MAPK10: variants seen among roughly 807,000 people sequenced by gnomAD.
MAPK10 encodes the protein mitogen-activated protein kinase 10.
MAPK10 carries 25 observed loss-of-function variants against 59.3 expected under a neutral mutation model. That is an observed-to-expected ratio of 0.42 (90% CI 0.31 to 0.59). The LOEUF is 0.59. Ranked by LOEUF, MAPK10 falls within the 20% of genes least tolerant of loss-of-function variation. The pLI is 0.15. For missense variants in MAPK10, 351 were observed against 568.9 expected (o/e 0.62, Z 3.90); for synonymous variants, 190 against 200.5 (o/e 0.95, Z 0.44).
chr4:86,337,947 A>G (rs1722530403), intron 2 of MAPK10, among the ~76,000 whole-genome samples: 1 of 152,082 alleles, frequency 6.6e-6, no homozygotes, highest in African/African-American at 2.4e-5. Context: ...CTATCCATCT[A>G]CTTTCCTTAA....
intron 11 of MAPK10, among the ~76,000 whole-genome samples, chr4:86,052,717 TAG>T (rs982526232): frequency 2.0e-5 from 3 of 152,106 alleles, no homozygotes; most frequent in African/African-American, 7.2e-5. Context: ...TTGTTTGAGA[TAG>T]AGTCTTCCTC....
intron 2 of MAPK10, among the ~76,000 whole-genome samples, chr4:86,255,108 A>G (rs2093649178): frequency 6.6e-6 from 1 of 152,136 alleles, no homozygotes; most frequent in Non-Finnish European, 1.5e-5. Flanking sequence ...GAAAAAAAAG[A>G]AGAGACTAAA....
At chr4:86,541,643 T>A (rs779111960) in intron 1 of MAPK10, among the ~76,000 whole-genome samples, 2 of 152,168 alleles carry the variant, frequency 1.3e-5, no homozygotes, top group African/African-American at 2.4e-5. Context: ...TCTGTACTCA[T>A]CCAAGATATG....
chr4:86,541,935 A>G (rs1758722381), intron 1 of MAPK10, among the ~76,000 whole-genome samples: 1 of 143,944 alleles, frequency 6.9e-6, no homozygotes, highest in Non-Finnish European at 1.5e-5. Flanking sequence ...GTAAATGCAC[A>G]TGAATACACC....
chr4:86,158,651 C>T (rs1298913579), intron 4 of MAPK10, among the ~76,000 whole-genome samples: 1 of 151,618 alleles, frequency 6.6e-6, no homozygotes, highest in Admixed American at 6.6e-5. Flanking sequence ...CAAATTAAAA[C>T]TGTGTAAAAG....
chr4:86,089,346 G>A, intron 9 of MAPK10: 1 of 1,049,498 alleles, frequency 9.5e-7, no homozygotes, highest in Non-Finnish European at 1.5e-6. Flanking sequence ...TGAAAACACT[G>A]GGCTACTCAT....
chr4:86,523,315 C>A (rs556990970), intron 1 of MAPK10, among the ~76,000 whole-genome samples: 3 of 152,278 alleles, frequency 2.0e-5, no homozygotes, highest in African/African-American at 7.2e-5. Context: ...ACATATCCTC[C>A]TACTATAAGT....
chr4:86,558,177 A>G (rs1760410577), intron 1 of MAPK10, among the ~76,000 whole-genome samples: 1 of 152,158 alleles, frequency 6.6e-6, no homozygotes, highest in African/African-American at 2.4e-5. Flanking sequence ...GCCCAGGCTG[A>G]AAAATTAAAT....
intron 2 of MAPK10, among the ~76,000 whole-genome samples, chr4:86,297,403 G>A (rs936946381): frequency 3.3e-5 from 5 of 151,994 alleles, no homozygotes; most frequent in Non-Finnish European, 7.4e-5. Context: ...CCTGCCTCCC[G>A]GATTCAAGCG....
rs543986269 is a variant in MAPK10 at position 86,535,975 on chromosome 4, A to G, written c.-263+57935T>C. Among the ~76,000 whole-genome samples, 4 of 152,354 alleles carry G rather than the reference A, an allele frequency of 2.6e-5. No homozygotes were observed. In the South Asian group the frequency reaches 8.3e-4, roughly 32 times the overall value. ...TAGACTCAAGAGAATCATAAGATGTAACCCAGAAGAAGTTCATAGTGAGGC... is the reference window on the plus strand; with the variant it reads ...TAGACTCAAGAGAATCATAAGATGTGACCCAGAAGAAGTTCATAGTGAGGC... On this transcript the variant is annotated intron_variant, in intron 1 of 4. Coordinates refer to the MAPK10 transcript ENST00000502302.
At chr4:86,244,587 C>T (rs1364988064) in intron 2 of MAPK10, among the ~76,000 whole-genome samples, 1 of 152,138 alleles carries the variant, frequency 6.6e-6, no homozygotes, top group Non-Finnish European at 1.5e-5. Context: ...GAACTGCCAG[C>T]TGAGAAGCCA....
At chr4:86,476,106 T>A (rs1484485500) in intron 1 of MAPK10, among the ~76,000 whole-genome samples, 1 of 152,118 alleles carries the variant, frequency 6.6e-6, no homozygotes, top group Non-Finnish European at 1.5e-5. Context: ...CCTAGTCTGT[T>A]ACCAATGTGA....
chr4:86,297,479 C>T (rs1342131995), intron 2 of MAPK10, among the ~76,000 whole-genome samples: 4 of 151,918 alleles, frequency 2.6e-5, no homozygotes, highest in Non-Finnish European at 5.9e-5. Flanking sequence ...AGGTCGGCTA[C>T]TTTTTGTATT....
chr4:86,149,686 G>A (rs965890633), intron 4 of MAPK10, among the ~76,000 whole-genome samples: 1 of 152,158 alleles, frequency 6.6e-6, no homozygotes, highest in African/African-American at 2.4e-5. Context: ...AAAACTAACA[G>A]GCACTGACTG....
At chr4:86,230,646 A>C (rs917584697) in intron 2 of MAPK10, among the ~76,000 whole-genome samples, 1 of 152,232 alleles carries the variant, frequency 6.6e-6, no homozygotes, top group Non-Finnish European at 1.5e-5. Flanking sequence ...ATACAAGTTC[A>C]CTTATTAATT....
At position 86,136,052 on chromosome 4, in the gene MAPK10, C is replaced by G. The variant is rs376492445; in HGVS notation, c.236+23246G>C. Reference sequence around the variant, plus strand: ...GGACTATGTGAAAAGACCAAATCTACGTCTGATTGGTGTACCTGAAAGTGA... The same window carrying G: ...GGACTATGTGAAAAGACCAAATCTAGGTCTGATTGGTGTACCTGAAAGTGA... On this transcript the variant is annotated intron_variant, in intron 4 of 13. Transcript: ENST00000641462. Among the ~76,000 whole-genome samples, 7 of 151,898 alleles carry G rather than the reference C, an allele frequency of 4.6e-5. No homozygotes were observed. The South Asian group carries it at 1.5e-3, about 32-fold the overall frequency.
At chr4:86,234,032 T>G (rs1393528644) in intron 2 of MAPK10, among the ~76,000 whole-genome samples, 1 of 152,170 alleles carries the variant, frequency 6.6e-6, no homozygotes, top group Admixed American at 6.5e-5. Context: ...TTATCAACCA[T>G]AATATGTATC....
intron 9 of MAPK10, among the ~76,000 whole-genome samples, chr4:86,086,305 G>C (rs906066985): frequency 6.6e-6 from 1 of 152,086 alleles, no homozygotes; most frequent in Admixed American, 6.6e-5. Flanking sequence ...AAAATAAAAA[G>C]TTAGAAAGAA....
chr4:86,292,517 G>C (rs2148824020), intron 2 of MAPK10, among the ~76,000 whole-genome samples: 2 of 152,244 alleles, frequency 1.3e-5, no homozygotes, highest in Middle Eastern at 3.4e-3. Context: ...AGGAGTTTGA[G>C]ACAAGCCTGG....
Sources: allele counts gnomAD v4.1 joint callset (sites outside exome capture counted in the v4.1 genomes callset), GRCh38; gene constraint gnomAD v4.1.1; transcripts MANE v1.5; gene names NCBI Gene and HGNC (gene_info 2026-07-23, HGNC 2026-07-21).